The following DACH2 variants were observed in gnomAD, a reference collection of about 807,000 sequenced individuals.
DACH2 encodes dachshund family transcription factor 2.
In DACH2, 17 loss-of-function variants were observed where a neutral mutation model predicts 35.8. The ratio of observed to expected loss-of-function variants is 0.48; its 90% CI spans 0.33 to 0.71. The LOEUF (loss-of-function observed/expected upper bound fraction) is 0.71, where lower values mean the gene tolerates loss of function less well. DACH2 is among the 30% of genes least tolerant of loss of function. DACH2 has a pLI of 0.02. For missense variants in DACH2, 469 were observed against 472.7 expected (o/e 0.99, Z 0.07); for synonymous variants, 195 against 177.3 (o/e 1.10, Z -0.79).
chrX:86,178,863 T>A (rs2031388843), intron 1 of DACH2, among the ~76,000 whole-genome samples: 1 of 112,026 alleles, frequency 8.9e-6, no homozygotes, highest in Admixed American at 9.5e-5. Context: ...CACATATATG[T>A]ACATTCATAA....
intron 3 of DACH2, among the ~76,000 whole-genome samples, chrX:86,581,978 C>A (rs1462690063): frequency 1.8e-5 from 2 of 111,614 alleles, no homozygotes; most frequent in South Asian, 3.7e-4. Flanking sequence ...TAAAACAATT[C>A]TCATCCAGTT....
chrX:86,259,617 A>G (rs1230962921), intron 1 of DACH2, among the ~76,000 whole-genome samples: 1 of 112,052 alleles, frequency 8.9e-6, no homozygotes, highest in Non-Finnish European at 1.9e-5. Context: ...AAAGGATTAC[A>G]TCTGATAATT....
At chrX:86,407,677 C>A (rs1270651800) in intron 2 of DACH2, among the ~76,000 whole-genome samples, 4 of 112,010 alleles carry the variant, frequency 3.6e-5, no homozygotes, top group Admixed American at 2.9e-4. Context: ...GTCAGTGATG[C>A]AGATTTTTTT....
At chrX:86,625,491 T>C (rs2040125327) in intron 3 of DACH2, among the ~76,000 whole-genome samples, 1 of 110,946 alleles carries the variant, frequency 9.0e-6, no homozygotes, top group Non-Finnish European at 1.9e-5. Context: ...GATAGTAATA[T>C]GCTCCACAGA....
intron 7 of DACH2, among the ~76,000 whole-genome samples, chrX:86,801,021 T>A (rs929838861): frequency 9.0e-6 from 1 of 111,151 alleles, no homozygotes; most frequent in Admixed American, 9.7e-5. Flanking sequence ...AGAAAAAAAA[T>A]GTGAAAATTG....
At chrX:86,658,683 T>C (rs2040571735) in intron 4 of DACH2, among the ~76,000 whole-genome samples, 1 of 111,781 alleles carries the variant, frequency 8.9e-6, no homozygotes, top group Admixed American at 9.6e-5. Flanking sequence ...TGTAGAGAGT[T>C]TGTGGGAAAT....
chrX:86,592,783 T>C (rs2039663849), intron 3 of DACH2, among the ~76,000 whole-genome samples: 1 of 111,936 alleles, frequency 8.9e-6, no homozygotes, highest in Admixed American at 9.5e-5. Flanking sequence ...TTGGTGCGGA[T>C]GTAAAGGAAG....
chrX:86,452,306 C>T (rs919707835), intron 2 of DACH2, among the ~76,000 whole-genome samples: 3 of 111,265 alleles, frequency 2.7e-5, no homozygotes, highest in Non-Finnish European at 5.7e-5. Context: ...GTATTTCTGC[C>T]AGGTTTTGGT....
In DACH2 at chrX:86,434,426, A is replaced by G. The variant is rs758011174; in HGVS notation, c.527+57564A>G. 1.1e-4 allele frequency among the ~76,000 whole-genome samples: 12 copies of G among 111,851 alleles called. No individual in the cohort carries two copies. In the South Asian group the frequency reaches 1.8e-3, roughly 17 times the overall value. On this transcript the variant is annotated intron_variant, in intron 2 of 11. Transcript: ENST00000373125. ...ATGACATGTTGATTGATTGCTATAT[A>G]TTTTCTCAATCTATCTCAGAATAAA...
At chrX:86,816,141 G>A in intron 11 of DACH2, 42 bp downstream of exon 11, 1 of 962,446 alleles carries the variant, frequency 1.0e-6, no homozygotes, top group South Asian at 2.9e-5. Flanking sequence ...TGCTTAATAT[G>A]TGACCCCTGG....
At chrX:86,600,952 C>T (rs1484137393) in intron 3 of DACH2, among the ~76,000 whole-genome samples, 1 of 111,382 alleles carries the variant, frequency 9.0e-6, no homozygotes, top group African/African-American at 3.3e-5. Context: ...TGCCATAGCT[C>T]CTGTGGTCAG....
intron 2 of DACH2, among the ~76,000 whole-genome samples, chrX:86,461,766 A>C (rs2037578161): frequency 9.0e-6 from 1 of 111,623 alleles, no homozygotes; most frequent in African/African-American, 3.2e-5. Context: ...AAAGCAAAAA[A>C]CAAACAGAAA....
At chrX:86,633,333 C>T (rs959448131) in intron 3 of DACH2, among the ~76,000 whole-genome samples, 1 of 110,242 alleles carries the variant, frequency 9.1e-6, no homozygotes, top group Non-Finnish European at 1.9e-5. Context: ...ATATAATACA[C>T]TCGCAAATTA....
intron 2 of DACH2, among the ~76,000 whole-genome samples, chrX:86,495,846 C>A (rs1481679395): frequency 9.1e-6 from 1 of 110,278 alleles, no homozygotes; most frequent in African/African-American, 3.3e-5. Flanking sequence ...CAAGCTGTGA[C>A]CTTCTGCAAG....
chrX:86,759,756 G>T (rs1408710307), intron 7 of DACH2, among the ~76,000 whole-genome samples: 1 of 110,733 alleles, frequency 9.0e-6, no homozygotes, highest in East Asian at 2.8e-4. Context: ...GTGAATTTCT[G>T]CAGTGGTAAC....
chrX:86,213,297 A>T (rs2032490252), intron 1 of DACH2, among the ~76,000 whole-genome samples: 2 of 111,419 alleles, frequency 1.8e-5, no homozygotes, highest in Admixed American at 1.9e-4. Flanking sequence ...TTATCCAAAC[A>T]AGTTATTTAG....
At chrX:86,727,170 T>C (rs1254006885) in intron 6 of DACH2, among the ~76,000 whole-genome samples, 3 of 112,089 alleles carry the variant, frequency 2.7e-5, no homozygotes, top group East Asian at 2.8e-4. Context: ...GAAGTAAGTG[T>C]CTTCATTATG....
In DACH2 at chrX:86,813,015, T is replaced by C. The variant is rs1174934753; in HGVS notation, c.1389+11T>C. The C allele has an allele frequency of 2.5e-6, 3 of 1,178,845 alleles. No homozygotes were observed. Among genetic ancestry groups the C allele is most frequent in the Non-Finnish European group, 3.4e-6 (3 of 878,333 alleles). ...TTGACCAACATTCAGGTCAACAATATTTCTATAAACAAAATAAATGTAATA... is the reference window on the plus strand; with the variant it reads ...TTGACCAACATTCAGGTCAACAATACTTCTATAAACAAAATAAATGTAATA... On this transcript the variant is annotated intron_variant, in intron 8 of 11. Coordinates refer to ENST00000373125, the MANE Select transcript of DACH2 (RefSeq NM_053281.3).
At chrX:86,231,996 G>A (rs2032959048) in intron 1 of DACH2, among the ~76,000 whole-genome samples, 1 of 111,104 alleles carries the variant, frequency 9.0e-6, no homozygotes, top group Non-Finnish European at 1.9e-5. Context: ...AACATCTCCT[G>A]CAAACAGACT....
Sources: gnomAD v4.1 joint callset for allele counts (sites outside exome capture counted in the v4.1 genomes callset) on GRCh38, gnomAD v4.1.1 for gene constraint, MANE v1.5 for transcripts, NCBI Gene and HGNC (gene_info 2026-07-23, HGNC 2026-07-21) for gene names.